SYT14: variants seen among roughly 807,000 people sequenced by gnomAD.
The protein encoded by SYT14 is synaptotagmin 14, also known as synaptotagmin-14.
In SYT14, 32 loss-of-function variants were observed where a neutral mutation model predicts 74.2. The ratio of observed to expected loss-of-function variants is 0.43; its 90% CI spans 0.33 to 0.58. The LOEUF is 0.58. SYT14 is among the 20% of genes least tolerant of loss of function. The pLI is 0.05. For synonymous variants in SYT14, 298 were observed against 337.7 expected, an observed-to-expected ratio of 0.88 and a Z score of 1.29; for missense variants, 791 against 981.8, an observed-to-expected ratio of 0.81 and a Z score of 2.60.
intron 5 of SYT14, among the ~76,000 whole-genome samples, chr1:210,048,232 T>A (rs2080922924): frequency 6.6e-6 from 1 of 152,214 alleles, no homozygotes. Flanking sequence ...CCAAATTGTC[T>A]CAAATTGGGC....
intron 7 of SYT14, among the ~76,000 whole-genome samples, chr1:210,102,674 CT>C (rs1261559901): frequency 2.0e-5 from 3 of 151,860 alleles, no homozygotes; most frequent in Admixed American, 1.3e-4. Context: ...GTTCTAGTTG[CT>C]TTTTTTCCCC....
chr1:210,123,710 GT>G (rs1016362282), intron 7 of SYT14, among the ~76,000 whole-genome samples: 1 of 152,118 alleles, frequency 6.6e-6, no homozygotes, highest in Non-Finnish European at 1.5e-5. Flanking sequence ...AACGTTTAGA[GT>G]TTTTTGGGGA....
chr1:210,033,466 A>G (rs1159074770), intron 5 of SYT14, among the ~76,000 whole-genome samples: 3 of 151,826 alleles, frequency 2.0e-5, no homozygotes, highest in African/African-American at 7.2e-5. Context: ...ACCTTTGAGA[A>G]ATAAATTACA....
At chr1:210,090,793 T>A (rs1258274817) in intron 5 of SYT14, among the ~76,000 whole-genome samples, 1 of 152,100 alleles carries the variant, frequency 6.6e-6, no homozygotes, top group East Asian at 1.9e-4. Context: ...TTTTCTTATA[T>A]CAATTACATT....
chr1:210,103,803 T>C (rs2082113562), intron 7 of SYT14, among the ~76,000 whole-genome samples: 1 of 152,104 alleles, frequency 6.6e-6, no homozygotes, highest in Admixed American at 6.6e-5. Context: ...TAGTATATAT[T>C]GGGAATGGAG....
At chr1:210,099,441 A>G (rs550024335) in intron 6 of SYT14, among the ~76,000 whole-genome samples, 18 of 152,302 alleles carry the variant, frequency 1.2e-4, no homozygotes, top group Non-Finnish European at 2.4e-4. Flanking sequence ...TGGAAAGTAA[A>G]TATTTGACCG....
chr1:210,052,995 A>G (rs1488231809), intron 5 of SYT14, among the ~76,000 whole-genome samples: 1 of 152,166 alleles, frequency 6.6e-6, no homozygotes, highest in African/African-American at 2.4e-5. Flanking sequence ...ATTTTATACA[A>G]TATCCTACAT....
At chr1:210,161,129 C>A in exon 10 of SYT14, 1 of 1,428,524 alleles carries the variant, frequency 7.0e-7, no homozygotes, top group Non-Finnish European at 9.8e-7. Flanking sequence ...ATTAGAAGAG[C>A]TGTTCTTTGA....
intron 5 of SYT14, among the ~76,000 whole-genome samples, chr1:210,070,875 T>C (rs2081379910): frequency 6.6e-6 from 1 of 151,760 alleles, no homozygotes; most frequent in South Asian, 2.1e-4. Flanking sequence ...TTTTCTCTGC[T>C]AGTCAGCTCA....
intron 5 of SYT14, among the ~76,000 whole-genome samples, chr1:210,045,389 A>G (rs981595891): frequency 1.3e-5 from 2 of 152,194 alleles, no homozygotes; most frequent in African/African-American, 4.8e-5. Flanking sequence ...AGACCCTTAC[A>G]TTTCAAATTA....
chr1:210,103,280 G>A (rs2102554928), intron 7 of SYT14, among the ~76,000 whole-genome samples: 1 of 152,270 alleles, frequency 6.6e-6, no homozygotes, highest in Non-Finnish European at 1.5e-5. Flanking sequence ...GCCGGGCGCA[G>A]TGGCTCACAC....
intron 1 of SYT14, 100 bp from the exon 2 acceptor site, chr1:209,952,609 T>G (rs1252339678): frequency 2.0e-6 from 2 of 1,007,382 alleles, no homozygotes; most frequent in African/African-American, 1.6e-5. Context: ...GAAACTTTTT[T>G]TGAGGTCACT....
intron 2 of SYT14, among the ~76,000 whole-genome samples, chr1:209,964,855 G>A (rs1325405148): frequency 1.3e-5 from 2 of 152,130 alleles, no homozygotes; most frequent in Non-Finnish European, 2.9e-5. Context: ...TATGAGTTCA[G>A]CATAAACCAT....
chr1:210,009,427 A>G (rs1233975952), intron 2 of SYT14, among the ~76,000 whole-genome samples: 1 of 152,138 alleles, frequency 6.6e-6, no homozygotes, highest in Non-Finnish European at 1.5e-5. Flanking sequence ...AATGTGAAAA[A>G]CAGGCATTCA....
At chr1:210,021,119 T>C (rs750353260) in exon 5 of SYT14, 1 of 1,614,034 alleles carries the variant, frequency 6.2e-7, no homozygotes, top group South Asian at 1.1e-5. Flanking sequence ...TCATGAGGCC[T>C]TATCCAGAAC....
At position 210,094,524 on chromosome 1, in the gene SYT14, AGAAAG is replaced by A; in HGVS notation, c.1516_1520del (p.Glu506PhefsTer3). ...GTGAAGGAAGCACAGGTCATGAAATAGAAAGTTTTCATAATAAAGGATATGAAGAA... is the reference window on the plus strand; with the variant it reads ...GTGAAGGAAGCACAGGTCATGAAATATTTTCATAATAAAGGATATGAAGAA... On this transcript the variant is annotated frameshift_variant, in exon 6 of 10. Coordinates refer to ENST00000637265, the Ensembl canonical transcript of SYT14. LOFTEE classifies it high-confidence loss of function. 1 of 1,613,300 alleles carries A rather than the reference AGAAAG, an allele frequency of 6.2e-7. No individual in the cohort carries two copies. Among genetic ancestry groups the A allele is most frequent in the Admixed American group, 1.7e-5 (1 of 59,888 alleles).
chr1:210,007,474 C>T (rs1390690769), intron 2 of SYT14, among the ~76,000 whole-genome samples: 1 of 151,696 alleles, frequency 6.6e-6, no homozygotes, highest in Non-Finnish European at 1.5e-5. Flanking sequence ...AAGGAAGTAC[C>T]ACATATTTTG....
At chr1:210,008,146 A>C (rs764288388) in intron 2 of SYT14, among the ~76,000 whole-genome samples, 39 of 152,310 alleles carry the variant, frequency 2.6e-4, no homozygotes, top group Non-Finnish European at 4.7e-4. Flanking sequence ...AGGACTTAAA[A>C]CAGTCCCTGT....
intron 7 of SYT14, among the ~76,000 whole-genome samples, chr1:210,106,792 G>T (rs7519750): frequency 1.3e-5 from 2 of 151,770 alleles, no homozygotes; most frequent in Admixed American, 1.3e-4. Context: ...GGCCACCCCC[G>T]CAAATCTCAT....
Sources: gnomAD v4.1 joint callset for allele counts (sites outside exome capture counted in the v4.1 genomes callset) on GRCh38, gnomAD v4.1.1 for gene constraint, MANE v1.5 for transcripts, NCBI Gene and HGNC (gene_info 2026-07-23, HGNC 2026-07-21) for gene names.